PHACTR3: variants seen among roughly 807,000 people sequenced by gnomAD.
PHACTR3 encodes protein phosphatase 1, regulatory subunit 123.
Under a neutral mutation model 66.8 loss-of-function variants are expected in PHACTR3, and 16 were observed. That is an observed-to-expected ratio of 0.24 (90% confidence interval 0.16 to 0.36). PHACTR3 has a LOEUF of 0.36. Among genes scored for constraint, PHACTR3 ranks in the 10% least tolerant of loss-of-function variants. The pLI is 1.00. For synonymous variants in PHACTR3, 323 were observed against 292.1 expected, an observed-to-expected ratio of 1.11 and a Z score of -1.08; for missense variants, 647 against 719.9, an observed-to-expected ratio of 0.90 and a Z score of 1.16.
chr20:59,755,044 A>T, intron 3 of PHACTR3, 138 bp from the exon 4 acceptor site: 1 of 802,766 alleles, frequency 1.2e-6, no homozygotes, highest in Non-Finnish European at 1.9e-6. Flanking sequence ...AGGGACTCCT[A>T]GGGTGTGTGG....
intron 1 of PHACTR3, among the ~76,000 whole-genome samples, chr20:59,670,611 G>C (rs991153049): frequency 8.8e-5 from 12 of 136,604 alleles, no homozygotes; most frequent in South Asian, 2.8e-4. Context: ...GGGGTGGGGG[G>C]GGGGGGCAGG....
At chr20:59,743,306 G>A (rs992654271) in intron 2 of PHACTR3, 38 bp downstream of exon 2, 1 of 1,609,098 alleles carries the variant, frequency 6.2e-7, no homozygotes, top group Admixed American at 1.7e-5. Context: ...GGCTGTGGCT[G>A]GGACCAGCGT....
chr20:59,784,371 A>C (rs1227200169), intron 7 of PHACTR3, among the ~76,000 whole-genome samples: 1 of 152,042 alleles, frequency 6.6e-6, no homozygotes, highest in African/African-American at 2.4e-5. Flanking sequence ...ATGTATGTGT[A>C]TGCATATGTA....
intron 2 of PHACTR3, 146 bp downstream of exon 2, chr20:59,743,414 T>A (rs1601242154): frequency 4.3e-6 from 5 of 1,172,406 alleles, no homozygotes; most frequent in Non-Finnish European, 5.9e-6. Flanking sequence ...CCAGGAGCCA[T>A]GCAAGTTACC....
chr20:59,807,527 C>T (rs550646201), intron 8 of PHACTR3, among the ~76,000 whole-genome samples: 149 of 152,284 alleles, frequency 9.8e-4, no homozygotes, highest in African/African-American at 3.5e-3. Flanking sequence ...GGAGTACACT[C>T]TAAAATAATC....
chr20:59,800,928 T>G (rs2041394602), intron 7 of PHACTR3, among the ~76,000 whole-genome samples: 1 of 152,200 alleles, frequency 6.6e-6, no homozygotes, highest in Admixed American at 6.5e-5. Context: ...CCCCGTGTAC[T>G]CTATTCAATG....
chr20:59,634,465 G>C lies in PHACTR3; in HGVS notation c.118+29333G>C, dbSNP rs139027320. Among the ~76,000 whole-genome samples, 618 of 152,310 alleles carry C rather than the reference G, an allele frequency of 4.1e-3. 3 individuals are homozygous for C. The highest frequency in any genetic ancestry group is 0.014 in the African/African-American group (598 of 41,572). On this transcript the variant is annotated intron_variant, in intron 1 of 12. Coordinates refer to ENST00000371015, the MANE Select transcript of PHACTR3 (RefSeq NM_080672.5). ...AGGTTAGGAGTGTTGGCCGTGAACG[G>C]TGGTGATGGTCATCTAATCACAGCA...
chr20:59,617,973 C>T (rs144746361), intron 1 of PHACTR3, among the ~76,000 whole-genome samples: 1 of 152,202 alleles, frequency 6.6e-6, no homozygotes, highest in Non-Finnish European at 1.5e-5. Context: ...TAGGCGAATG[C>T]CCCATCCAGC....
chr20:59,605,021 G>A lies in PHACTR3; in HGVS notation c.7G>A (p.Ala3Thr), dbSNP rs1366667082. 7.5e-7 allele frequency: 1 copy of A among 1,331,666 alleles called. No homozygotes were observed. The highest frequency in any genetic ancestry group is 2.0e-5 in the South Asian group (1 of 49,046). 82.5% of individuals were successfully genotyped at this position (1,331,666 alleles called of 1,614,324 possible). The change falls in exon 1 of 13, where the codon GCG becomes ACG. Residue 3 changes from alanine to threonine, a missense_variant. By Grantham distance (58) the Ala-to-Thr change is moderately conservative (BLOSUM62 0). Around this residue, in one of 2 missense-constraint regions of PHACTR3, gnomAD observed 577 missense variants for 571.1 expected, o/e 1.01. Coordinates refer to ENST00000371015, the MANE Select transcript of PHACTR3 (RefSeq NM_080672.5). ...CCCCGCGCCGGCCGGGCCCATGGCC[G>A]CGTCGGAGGACGGGAGCGGCTGCCT... is the stretch of plus-strand genomic sequence containing the variant. MA[A>T]SEDGSGCLVS...
chr20:59,694,400 A>T (rs897792507), intron 1 of PHACTR3, among the ~76,000 whole-genome samples: 1 of 151,988 alleles, frequency 6.6e-6, no homozygotes, highest in Non-Finnish European at 1.5e-5. Flanking sequence ...ACTCACTATT[A>T]TATCATTGGC....
At chr20:59,647,400 T>C (rs943413354) in intron 1 of PHACTR3, among the ~76,000 whole-genome samples, 2 of 152,106 alleles carry the variant, frequency 1.3e-5, no homozygotes, top group African/African-American at 4.8e-5. Flanking sequence ...AGCCAAACCA[T>C]ATCAACTAGC....
At chr20:59,623,789 A>T (rs998376806) in intron 1 of PHACTR3, among the ~76,000 whole-genome samples, 3 of 151,940 alleles carry the variant, frequency 2.0e-5, no homozygotes, top group Admixed American at 6.6e-5. Flanking sequence ...GTGCGTGGGG[A>T]TGGGGAGGTG....
In PHACTR3 at chr20:59,724,161, T is replaced by C. The variant is rs543871448; in HGVS notation, c.119-18946T>C. 6.1e-4 allele frequency among the ~76,000 whole-genome samples: 93 copies of C among 152,262 alleles called. 1 individual carries two copies. The highest frequency in any genetic ancestry group is 1.8e-3 in the African/African-American group (75 of 41,580). ...GCACCCTCAGGGTCGGGATGTGATCTAGAGCAGGGCTTCTCTCATTCTGTT... is the reference window on the plus strand; with the variant it reads ...GCACCCTCAGGGTCGGGATGTGATCCAGAGCAGGGCTTCTCTCATTCTGTT... On this transcript the variant is annotated intron_variant, in intron 1 of 12. Coordinates refer to ENST00000371015, the MANE Select transcript of PHACTR3 (RefSeq NM_080672.5).
intron 1 of PHACTR3, among the ~76,000 whole-genome samples, chr20:59,630,964 G>T (rs912485807): frequency 1.3e-5 from 2 of 152,198 alleles, no homozygotes; most frequent in Non-Finnish European, 2.9e-5. Flanking sequence ...ATGAAGAAGG[G>T]GTGGGTCTGT....
Position 59,604,907 on chromosome 20 carries a change from T to TTG in PHACTR3, c.-107_-106insGT. 1 of 1,190,198 alleles carries TTG rather than the reference T, an allele frequency of 8.4e-7. No homozygotes were observed. The highest frequency in any genetic ancestry group is 1.0e-6 in the Non-Finnish European group (1 of 961,140). 73.7% of individuals were successfully genotyped at this position (1,190,198 alleles called of 1,614,324 possible). A position where few individuals can be genotyped will look rare whatever the true frequency, so the allele number is the denominator to read the frequency against. ...TTTTTTTTTTTTTTTTTTAATTTTC[T>TTG]TTTTTAAAAAGACGCCCCCTCCAGC... On this transcript the variant is annotated 5_prime_UTR_variant, in exon 1 of 13. Transcript: ENST00000371015.
chr20:59,809,377 G>C (rs535825421), intron 8 of PHACTR3, among the ~76,000 whole-genome samples: 2 of 152,206 alleles, frequency 1.3e-5, no homozygotes, highest in South Asian at 4.2e-4. Flanking sequence ...TTTCATTTCT[G>C]CAAGTCTCAG....
At chr20:59,641,856 TGC>T (rs1170355727) in intron 1 of PHACTR3, among the ~76,000 whole-genome samples, 1 of 152,260 alleles carries the variant, frequency 6.6e-6, no homozygotes, top group Non-Finnish European at 1.5e-5. Flanking sequence ...AAATAAATTA[TGC>T]AGCAATGATA....
chr20:59,581,423 C>T (rs1004125288), intron 1 of PHACTR3, among the ~76,000 whole-genome samples: 1 of 152,214 alleles, frequency 6.6e-6, no homozygotes, highest in Admixed American at 6.5e-5. Context: ...GTCTGCTTCT[C>T]CTTCACCTGC....
chr20:59,778,723 T>TG (rs1331342644), intron 7 of PHACTR3, among the ~76,000 whole-genome samples: 1 of 152,068 alleles, frequency 6.6e-6, no homozygotes, highest in Non-Finnish European at 1.5e-5. Context: ...AATGGGCCAA[T>TG]GGGGGATTAG....
Sources: gnomAD v4.1 joint callset for allele counts (sites outside exome capture counted in the v4.1 genomes callset) on GRCh38, gnomAD v4.1.1 for gene constraint, gnomAD v4.1.1 regional missense constraint, MANE v1.5 for transcripts, NCBI Gene and HGNC (gene_info 2026-07-23, HGNC 2026-07-21) for gene names.